PTPRD: variants seen among roughly 807,000 people sequenced by gnomAD.
The protein encoded by PTPRD is receptor-type tyrosine-protein phosphatase delta.
Under a neutral mutation model 214.5 loss-of-function variants are expected in PTPRD, and 34 were observed. The observed-to-expected ratio is 0.16, with a 90% CI of 0.12 to 0.21. PTPRD has a LOEUF of 0.21. PTPRD is among the 10% of genes least tolerant of loss of function. The pLI is 1.00. For missense variants in PTPRD, 2,545 were observed against 2,398.7 expected (o/e 1.06, Z -1.27); for synonymous variants, 1,128 against 845.7 (o/e 1.33, Z -5.79).
At chr9:8,600,167 C>T (rs1002238387) in intron 14 of PTPRD, among the ~76,000 whole-genome samples, 1 of 152,146 alleles carries the variant, frequency 6.6e-6, no homozygotes, top group Non-Finnish European at 1.5e-5. Context: ...GAAAGCAGAA[C>T]CAGGCTGTAT....
chr9:9,913,119 GC>G, intron 5 of PTPRD, among the ~76,000 whole-genome samples: 1 of 147,496 alleles, frequency 6.8e-6, no homozygotes, highest in East Asian at 2.0e-4. Context: ...TGACAATATA[GC>G]TCCAATAAAA....
chr9:8,600,352 C>T (rs1417258635), intron 14 of PTPRD, among the ~76,000 whole-genome samples: 1 of 152,134 alleles, frequency 6.6e-6, no homozygotes, highest in Non-Finnish European at 1.5e-5. Flanking sequence ...ACTGAAATTC[C>T]TAGGCAAGTC....
At chr9:8,858,618 G>C (rs1188484931) in intron 11 of PTPRD, among the ~76,000 whole-genome samples, 1 of 152,172 alleles carries the variant, frequency 6.6e-6, no homozygotes, top group Non-Finnish European at 1.5e-5. Flanking sequence ...CTCCAGCGCT[G>C]GGGGATTGTG....
intron 14 of PTPRD, among the ~76,000 whole-genome samples, chr9:8,616,752 C>T (rs942444261): frequency 6.6e-6 from 1 of 152,084 alleles, no homozygotes; most frequent in African/African-American, 2.4e-5. Context: ...ATAAAGACTG[C>T]CGATGTTATT....
At chr9:9,941,789 T>G (rs1264196811) in intron 4 of PTPRD, among the ~76,000 whole-genome samples, 7 of 152,146 alleles carry the variant, frequency 4.6e-5, no homozygotes, top group Admixed American at 4.6e-4. Context: ...CTTTTGTAAC[T>G]TTTCTCTGGG....
chr9:9,887,118 A>T (rs2071244596), intron 5 of PTPRD, among the ~76,000 whole-genome samples: 1 of 152,170 alleles, frequency 6.6e-6, no homozygotes, highest in South Asian at 2.1e-4. Context: ...ACAGTGACTT[A>T]CACATTGGTG....
intron 8 of PTPRD, among the ~76,000 whole-genome samples, chr9:9,470,013 T>A (rs1052818389): frequency 2.0e-5 from 3 of 152,110 alleles, no homozygotes; most frequent in African/African-American, 7.2e-5. Flanking sequence ...CTGGGGTGGA[T>A]GAACTCCCAG....
chr9:9,286,273 G>A (rs1403551888), intron 9 of PTPRD, among the ~76,000 whole-genome samples: 2 of 151,650 alleles, frequency 1.3e-5, no homozygotes, highest in South Asian at 2.1e-4. Flanking sequence ...GCTCCAAAAG[G>A]GATTTTTAAA....
In PTPRD at chr9:9,246,216, G is replaced by A. The variant is rs558160484; in HGVS notation, c.-202-62853C>T. On this transcript the variant is annotated intron_variant, in intron 9 of 45. Transcript: ENST00000381196. ...GGTTTGTTGTCCACCTGAATTCTGGGCTGGATCCTGAATGTTTTTAGTGTC... is the reference window on the plus strand; with the variant it reads ...GGTTTGTTGTCCACCTGAATTCTGGACTGGATCCTGAATGTTTTTAGTGTC... Among the ~76,000 whole-genome samples, 6 of 152,096 alleles carry A rather than the reference G, an allele frequency of 3.9e-5. No individual in the cohort carries two copies. In the South Asian group the frequency reaches 1.2e-3, roughly 32 times the overall value.
In PTPRD at chr9:9,425,699, T is replaced by C. The variant is rs139700032; in HGVS notation, c.-236-28217A>G. Among the ~76,000 whole-genome samples the C allele has an allele frequency of 2.6e-5, 4 of 152,010 alleles. No homozygotes were observed. In the East Asian group the frequency reaches 7.7e-4, roughly 29 times the overall value. On this transcript the variant is annotated intron_variant, in intron 8 of 45. Coordinates refer to ENST00000381196, the MANE Select transcript of PTPRD (RefSeq NM_002839.4). ...AAATTACATTTAACAATGATGCAGA[T>C]ATAGTTTTGAGCAAAGGTAGCTTCT...
intron 3 of PTPRD, among the ~76,000 whole-genome samples, chr9:10,282,178 G>T (rs1184768102): frequency 6.6e-6 from 1 of 152,152 alleles, no homozygotes; most frequent in East Asian, 1.9e-4. Context: ...ATAGCTCCAT[G>T]ATATAGAGAA....
At chr9:8,620,708 T>A (rs2095795090) in intron 14 of PTPRD, among the ~76,000 whole-genome samples, 1 of 151,932 alleles carries the variant, frequency 6.6e-6, no homozygotes. Context: ...GTATTGTATG[T>A]TAAACAGTAA....
intron 10 of PTPRD, among the ~76,000 whole-genome samples, chr9:9,112,967 TC>T (rs149389775): frequency 0.073 from 10,941 of 149,218 alleles, 529 homozygotes; most frequent in East Asian, 0.15. Context: ...CCTATTTTTT[TC>T]TTTTTTTTTT....
At chr9:8,871,275 C>T (rs2098294992) in intron 11 of PTPRD, among the ~76,000 whole-genome samples, 1 of 152,170 alleles carries the variant, frequency 6.6e-6, no homozygotes, top group Non-Finnish European at 1.5e-5. Flanking sequence ...CTCTAAAAAG[C>T]TACTTAATTG....
intron 11 of PTPRD, among the ~76,000 whole-genome samples, chr9:8,848,379 A>C (rs899382177): frequency 6.8e-6 from 1 of 147,390 alleles, no homozygotes; most frequent in East Asian, 2.0e-4. Flanking sequence ...TCTGTTATAC[A>C]GACTAGAATG....
At chr9:10,393,502 C>T (rs2098111594) in intron 2 of PTPRD, among the ~76,000 whole-genome samples, 1 of 151,282 alleles carries the variant, frequency 6.6e-6, no homozygotes, top group African/African-American at 2.4e-5. Flanking sequence ...AAAATAGAAA[C>T]TGATGGGGCC....
chr9:9,025,155 G>T (rs889926920), intron 10 of PTPRD, among the ~76,000 whole-genome samples: 1 of 151,802 alleles, frequency 6.6e-6, no homozygotes, highest in Admixed American at 6.6e-5. Flanking sequence ...ATTTTTCATT[G>T]CTTTATTATT....
chr9:9,108,853 A>G lies in PTPRD; in HGVS notation c.-143+74451T>C, dbSNP rs77912613. 4.8e-3 allele frequency among the ~76,000 whole-genome samples: 726 copies of G among 152,254 alleles called. 7 individuals carry two copies. Among genetic ancestry groups the G allele is most frequent in the African/African-American group, 0.017 (693 of 41,558 alleles). ...CTCCACTCAGTCTGGTCGGGGGAGC[A>G]ATGGAATGCAACTAAATAGTTACAA... On this transcript the variant is annotated intron_variant, in intron 10 of 45. Coordinates refer to ENST00000381196, the MANE Select transcript of PTPRD (RefSeq NM_002839.4).
At chr9:9,133,122 T>C (rs1462476357) in intron 10 of PTPRD, among the ~76,000 whole-genome samples, 3 of 152,220 alleles carry the variant, frequency 2.0e-5, no homozygotes, top group Non-Finnish European at 4.4e-5. Flanking sequence ...CCTTTTCTAG[T>C]GGTTTCTGTA....
Sources: gnomAD v4.1 joint callset for allele counts (sites outside exome capture counted in the v4.1 genomes callset) on GRCh38, gnomAD v4.1.1 for gene constraint, MANE v1.5 for transcripts, NCBI Gene and HGNC (gene_info 2026-07-23, HGNC 2026-07-21) for gene names.